Variants in VPS13B observed in about 807,000 individuals in gnomAD.
VPS13B encodes intermembrane lipid transfer protein VPS13B.
Under a neutral mutation model 426.4 loss-of-function variants are expected in VPS13B, and 285 were observed. The observed-to-expected ratio is 0.67, with a 90% CI of 0.61 to 0.74. The LOEUF (loss-of-function observed/expected upper bound fraction) is 0.74. Ranked by LOEUF, VPS13B falls within the 30% of genes least tolerant of loss-of-function variation. The pLI, the probability that VPS13B is intolerant of heterozygous loss-of-function variation, is 0.00. For missense variants in VPS13B, 4,537 were observed against 4,782.6 expected, an observed-to-expected ratio of 0.95 and a Z score of 1.51; for synonymous variants, 1,676 against 1,676.4, an observed-to-expected ratio of 1.00 and a Z score of 0.01.
chr8:99,302,294 G>A (rs1489867231), intron 19 of VPS13B, among the ~76,000 whole-genome samples: 2 of 152,178 alleles, frequency 1.3e-5, no homozygotes, highest in African/African-American at 4.8e-5. Flanking sequence ...AACTTATGAT[G>A]TGTGTTTTGT....
intron 35 of VPS13B, among the ~76,000 whole-genome samples, chr8:99,693,312 C>A (rs1192223069): frequency 1.3e-5 from 2 of 150,308 alleles, no homozygotes; most frequent in African/African-American, 4.9e-5. Context: ...TACTGGCAAA[C>A]CGAATCCAGC....
chr8:99,353,602 CAAA>C (rs200551748), intron 19 of VPS13B, among the ~76,000 whole-genome samples: 1 of 108,740 alleles, frequency 9.2e-6, no homozygotes. Context: ...AGACTTCTTT[CAAA>C]AAAAAAAAAA....
At chr8:99,659,185 C>A (rs1006642177) in intron 34 of VPS13B, among the ~76,000 whole-genome samples, 3 of 151,954 alleles carry the variant, frequency 2.0e-5, no homozygotes, top group African/African-American at 7.2e-5. Flanking sequence ...AGATTTGTTT[C>A]TTTAATTATT....
At chr8:99,453,308 G>A (rs1303900449) in intron 23 of VPS13B, among the ~76,000 whole-genome samples, 1 of 152,146 alleles carries the variant, frequency 6.6e-6, no homozygotes, top group African/African-American at 2.4e-5. Flanking sequence ...TTCACTTAGT[G>A]TGTTTGACTT....
chr8:99,255,829 C>A (rs1166699274), intron 17 of VPS13B, among the ~76,000 whole-genome samples: 1 of 152,092 alleles, frequency 6.6e-6, no homozygotes, highest in African/African-American at 2.4e-5. Context: ...CTCTTGACAC[C>A]ACCCCAGCTG....
rs564966272 is a variant in VPS13B at position 99,249,547 on chromosome 8, C to T, written c.2516-24651C>T. Among the ~76,000 whole-genome samples the T allele has an allele frequency of 4.3e-4, 66 of 151,792 alleles. 1 individual carries two copies. Among genetic ancestry groups the T allele is most frequent in the South Asian group, 1.9e-3 (9 of 4,798 alleles). On this transcript the variant is annotated intron_variant, in intron 17 of 61. Transcript: ENST00000357162. ...CACGCCGTTCTCCTGCCTCAGCCTC[C>T]GGAGTAGCTGGGACTACAGACACCC...
chr8:99,297,475 T>A (rs1588219873), intron 19 of VPS13B, among the ~76,000 whole-genome samples: 1 of 152,300 alleles, frequency 6.6e-6, no homozygotes, highest in East Asian at 1.9e-4. Context: ...ATCAACTAGG[T>A]CTAAGGGTTT....
At chr8:99,657,210 T>A (rs1830051801) in intron 34 of VPS13B, among the ~76,000 whole-genome samples, 1 of 152,260 alleles carries the variant, frequency 6.6e-6, no homozygotes, top group African/African-American at 2.4e-5. Context: ...CTCTAACTTG[T>A]GCCAAAAGAG....
intron 5 of VPS13B, among the ~76,000 whole-genome samples, chr8:99,105,492 C>T (rs1239368641): frequency 6.6e-6 from 1 of 152,086 alleles, no homozygotes; most frequent in African/African-American, 2.4e-5. Flanking sequence ...GATTCTCCTG[C>T]CTCAGCCTCC....
At chr8:99,181,541 A>G (rs1304307052) in intron 16 of VPS13B, among the ~76,000 whole-genome samples, 1 of 152,194 alleles carries the variant, frequency 6.6e-6, no homozygotes, top group Non-Finnish European at 1.5e-5. Context: ...GCAATTCTTA[A>G]TTCTTACCTT....
Position 99,032,491 on chromosome 8 carries a change from G to C in VPS13B, c.148-5932G>C, listed in dbSNP as rs187651665. ...GATGTTCTATTTTAATTCCTTTATT[G>C]ATTTTCAAATTGCTTTTGAATTACT... On this transcript the variant is annotated intron_variant, in intron 2 of 61. Coordinates refer to ENST00000357162, the MANE Select transcript of VPS13B (RefSeq NM_152564.5). Among the ~76,000 whole-genome samples the C allele has an allele frequency of 4.7e-5, 7 of 148,756 alleles. No individual in the cohort carries two copies. The East Asian group carries it at 1.2e-3, about 25-fold the overall frequency.
At chr8:99,317,879 G>GTGCA (rs1809758536) in intron 19 of VPS13B, among the ~76,000 whole-genome samples, 1 of 152,078 alleles carries the variant, frequency 6.6e-6, no homozygotes, top group Non-Finnish European at 1.5e-5. Context: ...ATGAATGTAG[G>GTGCA]TGCATGCACT....
chr8:99,758,670 C>T (rs1449076350), intron 39 of VPS13B, among the ~76,000 whole-genome samples: 1 of 152,134 alleles, frequency 6.6e-6, no homozygotes, highest in Non-Finnish European at 1.5e-5. Context: ...TTTCTAGTCA[C>T]CACCCAAACT....
chr8:99,423,605 T>A (rs1174923519), intron 21 of VPS13B, among the ~76,000 whole-genome samples: 1 of 152,076 alleles, frequency 6.6e-6, no homozygotes, highest in Non-Finnish European at 1.5e-5. Flanking sequence ...AATTGCCCTC[T>A]GTTGCAGTTC....
intron 12 of VPS13B, among the ~76,000 whole-genome samples, chr8:99,140,368 C>CAAA (rs5893482): frequency 3.9e-4 from 29 of 74,576 alleles, no homozygotes; most frequent in Non-Finnish European, 5.3e-4. Context: ...AGCTCTGTCT[C>CAAA]AAAAAAAAAA....
Position 99,546,721 on chromosome 8 carries a change from G to A in VPS13B, c.4746-9729G>A, listed in dbSNP as rs554599681. Among the ~76,000 whole-genome samples the A allele has an allele frequency of 3.3e-5, 5 of 151,818 alleles. No individual in the cohort carries two copies. In the South Asian group the frequency reaches 1.0e-3, roughly 32 times the overall value. On this transcript the variant is annotated intron_variant, in intron 30 of 61. Transcript: ENST00000357162. ...CTCTTCATAATTTGGTAGTAGAATT[G>A]GAATGACTGGAAATGAAAGAATGTA...
At chr8:99,492,894 A>G (rs1820691720) in intron 25 of VPS13B, among the ~76,000 whole-genome samples, 2 of 152,268 alleles carry the variant, frequency 1.3e-5, no homozygotes, top group Admixed American at 6.5e-5. Context: ...ACCAGTCCCA[A>G]TGAGAAGAAT....
chr8:99,542,115 T>C (rs1028819527), intron 30 of VPS13B, among the ~76,000 whole-genome samples: 10 of 152,158 alleles, frequency 6.6e-5, no homozygotes, highest in African/African-American at 1.9e-4. Context: ...GGTCTCCGTC[T>C]CCTGACCTCA....
At chr8:99,758,042 T>C (rs2130576256) in intron 39 of VPS13B, among the ~76,000 whole-genome samples, 1 of 152,334 alleles carries the variant, frequency 6.6e-6, no homozygotes, top group South Asian at 2.1e-4. Context: ...TAGTCATCTT[T>C]CCTTCAAGTT....
Sources: gnomAD v4.1 joint callset for allele counts (sites outside exome capture counted in the v4.1 genomes callset) on GRCh38, gnomAD v4.1.1 for gene constraint, MANE v1.5 for transcripts, NCBI Gene and HGNC (gene_info 2026-07-23, HGNC 2026-07-21) for gene names.